Variants in WDR33 observed in about 807,000 individuals in gnomAD.
WDR33 encodes the protein pre-mRNA 3' end processing protein WDR33.
WDR33 carries 47 observed loss-of-function variants against 164.9 expected under a neutral mutation model. The ratio of observed to expected loss-of-function variants is 0.29; its 90% CI spans 0.23 to 0.36. WDR33 has a LOEUF of 0.36. Among genes scored for constraint, WDR33 ranks in the 10% least tolerant of loss-of-function variants. The pLI is 1.00. For synonymous variants in WDR33, 505 were observed against 589.0 expected (o/e 0.86, Z 2.06); for missense variants, 1,137 against 1,754.1 (o/e 0.65, Z 6.28).
At chr2:127,734,627 G>A (rs1280268132) in intron 7 of WDR33, among the ~76,000 whole-genome samples, 1 of 152,070 alleles carries the variant, frequency 6.6e-6, no homozygotes, top group Non-Finnish European at 1.5e-5. Flanking sequence ...AACGTTTATT[G>A]AGCTCCTGTT....
rs901298481 is a variant in WDR33 at position 127,722,392 on chromosome 2, G to A, written c.1518+199C>T. ...ATAGCATGGATGATAATAAGCAGGT[G>A]AGGACAGAACAGAGAAGACTGATAA... On this transcript the variant is annotated intron_variant, in intron 14 of 21. Coordinates refer to ENST00000322313, the MANE Select transcript of WDR33 (RefSeq NM_018383.5). This position sits in a 1 kb window ranked among gnomAD's most constrained non-coding sequence, Gnocchi z 5.1. 1.3e-5 allele frequency among the ~76,000 whole-genome samples: 2 copies of A among 152,214 alleles called. No homozygotes were observed. Among genetic ancestry groups the A allele is most frequent in the African/African-American group, 4.8e-5 (2 of 41,452 alleles).
Position 127,702,327 on chromosome 2 carries a change from T to A in WDR33, c.*3996A>T. On this transcript the variant is annotated 3_prime_UTR_variant, in exon 22 of 22. Transcript: ENST00000322313. Reference sequence around the variant, plus strand: ...GCGAGTCTAATCCGGGAGCGGCTGCTGCCAGCGGAGGCGACAGCAGCGTTG... The same window carrying A: ...GCGAGTCTAATCCGGGAGCGGCTGCAGCCAGCGGAGGCGACAGCAGCGTTG... 1.2e-6 allele frequency: 1 copy of A among 831,170 alleles called. No homozygotes were observed. Among genetic ancestry groups the A allele is most frequent in the Non-Finnish European group, 1.6e-6 (1 of 632,960 alleles). 51.5% of individuals were successfully genotyped at this position (831,170 alleles called of 1,614,324 possible). A position where few individuals can be genotyped will look rare whatever the true frequency, so the allele number is the denominator to read the frequency against.
intron 18 of WDR33, among the ~76,000 whole-genome samples, chr2:127,711,878 T>G (rs1686188590): frequency 6.7e-6 from 1 of 149,688 alleles, no homozygotes; most frequent in Non-Finnish European, 1.5e-5. Context: ...ATTCAGACGA[T>G]TCTCCTGCCT....
At chr2:127,765,735 A>T (rs1687801104) in intron 4 of WDR33, among the ~76,000 whole-genome samples, 1 of 152,004 alleles carries the variant, frequency 6.6e-6, no homozygotes, top group South Asian at 2.1e-4. Context: ...ACAAGATAAT[A>T]ATAAGTACCG....
chr2:127,728,648 A>G (rs56365317), intron 7 of WDR33, among the ~76,000 whole-genome samples: 38,805 of 152,094 alleles, frequency 0.26, 5,234 homozygotes, highest in South Asian at 0.33. Context: ...GTTTGCCTTA[A>G]GAAATTTTAA....
rs1264540026 is a variant in WDR33 at position 127,706,766 on chromosome 2, G to C, written c.3782-214C>G. ...CTCATGGCCATGGGCCTCAGCATCA[G>C]CCAGATCCATGCCCCCAGGGCTGTG... On this transcript the variant is annotated intron_variant, in intron 21 of 21. Coordinates refer to ENST00000322313, the MANE Select transcript of WDR33 (RefSeq NM_018383.5). This position sits in a 1 kb window ranked among gnomAD's most constrained non-coding sequence, Gnocchi z 5.1. Among the ~76,000 whole-genome samples the C allele has an allele frequency of 2.6e-5, 4 of 152,198 alleles. No individual in the cohort carries two copies. The highest frequency in any genetic ancestry group is 5.9e-5 in the Non-Finnish European group (4 of 68,034).
intron 1 of WDR33, among the ~76,000 whole-genome samples, chr2:127,793,649 T>C (rs1164921331): frequency 6.6e-6 from 1 of 151,878 alleles, no homozygotes; most frequent in African/African-American, 2.4e-5. Context: ...GCTGAGGAAG[T>C]AGAATCACCT....
intron 7 of WDR33, among the ~76,000 whole-genome samples, chr2:127,758,261 C>G (rs1476396964): frequency 6.6e-6 from 1 of 152,166 alleles, no homozygotes; most frequent in East Asian, 1.9e-4. Context: ...ACAATTCTGT[C>G]AATTACAGCT....
intron 7 of WDR33, among the ~76,000 whole-genome samples, chr2:127,734,233 C>T (rs1461314524): frequency 6.6e-6 from 1 of 152,218 alleles, no homozygotes; most frequent in African/African-American, 2.4e-5. Flanking sequence ...CAACCATAAA[C>T]TAACTCCACC....
In WDR33 at chr2:127,750,677, AATATATATATATATATAT is replaced by A. The variant is rs1161071581; in HGVS notation, c.724+12367_724+12384del. On this transcript the variant is annotated intron_variant, in intron 7 of 21. Transcript: ENST00000322313. ...AAAAAAAAAAAAAAAAAAAAAAAAA[AATATATATATATATATAT>A]ATATATATATATATATATGTATGTA... Among the ~76,000 whole-genome samples, 132 of 35,790 alleles carry A rather than the reference AATATATATATATATATAT, an allele frequency of 3.7e-3. 1 individual carries two copies. The highest frequency in any genetic ancestry group is 5.1e-3 in the Non-Finnish European group (116 of 22,678). 23.5% of individuals were successfully genotyped at this position (35,790 alleles called of 152,430 possible).
Position 127,717,239 on chromosome 2 carries a change from G to C in WDR33, c.2785C>G (p.Pro929Ala). 6.2e-7 allele frequency: 1 copy of C among 1,603,118 alleles called. No homozygotes were observed. Among genetic ancestry groups the C allele is most frequent in the South Asian group, 1.1e-5 (1 of 88,748 alleles). Residue 929 changes from proline to alanine, a missense_variant, in exon 17 of 22, where the codon CCC becomes GCC. By Grantham distance (27) the Pro-to-Ala change is conservative. This residue lies in a region of WDR33 where 867 missense variants were observed against 1,073.0 expected (regional missense o/e 0.81). Transcript: ENST00000322313. The surrounding 1 kb of genome is among the most constrained non-coding windows in gnomAD (Gnocchi z 5.6). ...TGCTGCCCTAGGCCTGGTATCAGGG[G>C]TGGGGGGCCTGTGCTCTGTCCTTCC... The part of the protein sequence containing the change: ...NQEGQSTGPP[P>A]LIPGLGQQGA...
At position 127,767,780 on chromosome 2, in the gene WDR33, T is replaced by A. The variant is rs190278137; in HGVS notation, c.378+409A>T. 9.8e-5 allele frequency among the ~76,000 whole-genome samples: 15 copies of A among 152,328 alleles called. No homozygotes were observed. The East Asian group carries it at 2.7e-3, about 27-fold the overall frequency. On this transcript the variant is annotated intron_variant, in intron 4 of 21. Transcript: ENST00000322313. Reference sequence around the variant, plus strand: ...ATTAAGTGCCTACTAGGTACCTTCATAGAGCTAAAAATTACGGTACACCAC... The same window carrying A: ...ATTAAGTGCCTACTAGGTACCTTCAAAGAGCTAAAAATTACGGTACACCAC...
At chr2:127,737,132 T>C in intron 7 of WDR33, 1 of 985,434 alleles carries the variant, frequency 1.0e-6, no homozygotes, top group Non-Finnish European at 1.2e-6. Context: ...ATTTACATTT[T>C]TTTAAAGGCT....
chr2:127,750,586 T>C (rs1363789647), intron 7 of WDR33, among the ~76,000 whole-genome samples: 1 of 139,372 alleles, frequency 7.2e-6, no homozygotes, highest in Non-Finnish European at 1.5e-5. Context: ...GAGGCGGAAG[T>C]TGCAGTGAGT....
chr2:127,715,969 G>A (rs963339956), intron 17 of WDR33, among the ~76,000 whole-genome samples: 1 of 152,208 alleles, frequency 6.6e-6, no homozygotes, highest in African/African-American at 2.4e-5. Flanking sequence ...AAGGGAAAGA[G>A]CAAGGATGAG....
At chr2:127,711,198 G>A (rs1348977122) in intron 18 of WDR33, among the ~76,000 whole-genome samples, 1 of 152,108 alleles carries the variant, frequency 6.6e-6, no homozygotes, top group Non-Finnish European at 1.5e-5. Flanking sequence ...GCCGAGGCAG[G>A]CAGATCACTT....
chr2:127,788,561 C>T (rs1184665598), intron 1 of WDR33, among the ~76,000 whole-genome samples: 12,690 of 69,576 alleles, frequency 0.18, no homozygotes, highest in East Asian at 0.33. Context: ...GGTGGCTGGC[C>T]GGGCTGAGGG....
At chr2:127,777,558 A>G (rs189561513) in intron 1 of WDR33, among the ~76,000 whole-genome samples, 1 of 152,334 alleles carries the variant, frequency 6.6e-6, no homozygotes, top group Admixed American at 6.5e-5. Flanking sequence ...TGGTGACTAT[A>G]CTATTGAACA....
At chr2:127,759,394 T>TAA (rs1468601287) in intron 7 of WDR33, among the ~76,000 whole-genome samples, 3 of 152,214 alleles carry the variant, frequency 2.0e-5, no homozygotes, top group African/African-American at 7.2e-5. Context: ...AATACTATAA[T>TAA]AAAAAGCAAC....
Sources: allele counts gnomAD v4.1 joint callset (sites outside exome capture counted in the v4.1 genomes callset), GRCh38; gene constraint gnomAD v4.1.1; regional missense constraint gnomAD v4.1.1; non-coding constraint Gnocchi (gnomAD v3.1); transcripts MANE v1.5; gene names NCBI Gene and HGNC (gene_info 2026-07-23, HGNC 2026-07-21).